CLMP: variants seen among roughly 807,000 people sequenced by gnomAD.
CLMP encodes the protein CXADR like cell adhesion molecule.
Under a neutral mutation model 45.2 loss-of-function variants are expected in CLMP, and 27 were observed. The ratio of observed to expected loss-of-function variants is 0.60; its 90% CI spans 0.44 to 0.82. The LOEUF (loss-of-function observed/expected upper bound fraction) is 0.82, where lower values mean the gene tolerates loss of function less well. Among genes scored for constraint, CLMP ranks in the 40% least tolerant of loss-of-function variants. The pLI is 0.00. For missense variants in CLMP, 403 were observed against 448.4 expected (o/e 0.90, Z 0.91); for synonymous variants, 167 against 171.4 (o/e 0.97, Z 0.20).
Position 123,150,500 on chromosome 11 carries a change from G to A in CLMP, c.28+44413C>T, listed in dbSNP as rs11219030. On this transcript the variant is annotated intron_variant, in intron 1 of 6. Coordinates refer to ENST00000448775, the MANE Select transcript of CLMP (RefSeq NM_024769.5). ...GAAAGAAAGGAAGGAAGGAAGGAAGGAAGGAAGGAAGGAAGGAAGGAAGGA... is the reference window on the plus strand; with the variant it reads ...GAAAGAAAGGAAGGAAGGAAGGAAGAAAGGAAGGAAGGAAGGAAGGAAGGA... 3.2e-3 allele frequency among the ~76,000 whole-genome samples: 335 copies of A among 103,390 alleles called. 2 individuals are homozygous for A. The highest frequency in any genetic ancestry group is 8.1e-3 in the South Asian group (20 of 2,476). 67.8% of individuals were successfully genotyped at this position (103,390 alleles called of 152,430 possible).
At position 123,084,517 on chromosome 11, in the gene CLMP, A is replaced by T. The variant is rs148377321; in HGVS notation, c.383T>A (p.Val128Asp). The T allele has an allele frequency of 6.2e-7, 1 of 1,613,660 alleles. No individual in the cohort carries two copies. Among genetic ancestry groups the T allele is most frequent in the African/African-American group, 1.3e-5 (1 of 75,018 alleles). The change falls in exon 3 of 7, where the codon GTC (valine) becomes GAC (aspartate). Residue 128 changes from valine (V) to aspartate (D), a missense_variant. By Grantham distance (152) the Val-to-Asp change is radical (BLOSUM62 -3). Transcript: ENST00000448775. ...RYVWSHVILK[V>D]LVRPSKPKCE... ...ACTTTGGCATCCTATCTTACCTAAG[A>T]CTTTTAAGATGACATGGCTCCACAC... is the stretch of plus-strand genomic sequence containing the variant.
chr11:123,121,064 T>C, intron 1 of CLMP, among the ~76,000 whole-genome samples: 1 of 149,572 alleles, frequency 6.7e-6, no homozygotes. Context: ...GAGGTGAAGC[T>C]TGCAGTGAGC....
intron 1 of CLMP, among the ~76,000 whole-genome samples, chr11:123,153,005 T>C (rs1160867051): frequency 3.9e-5 from 6 of 152,218 alleles, no homozygotes; most frequent in African/African-American, 9.6e-5. Flanking sequence ...AGGAAGCTCA[T>C]TGAGGACGTT....
chr11:123,184,771 C>T (rs1014685403), intron 1 of CLMP, among the ~76,000 whole-genome samples: 2 of 152,182 alleles, frequency 1.3e-5, no homozygotes, highest in African/African-American at 4.8e-5. Context: ...ATCAGCCAAC[C>T]TTCTCCTGGA....
At chr11:123,168,675 A>G (rs927312841) in intron 1 of CLMP, among the ~76,000 whole-genome samples, 3 of 152,158 alleles carry the variant, frequency 2.0e-5, no homozygotes, top group Non-Finnish European at 4.4e-5. Context: ...CGGATCCAGC[A>G]GCAACTCTTT....
chr11:123,153,246 A>C (rs900364465), intron 1 of CLMP, among the ~76,000 whole-genome samples: 1 of 152,156 alleles, frequency 6.6e-6, no homozygotes, highest in Non-Finnish European at 1.5e-5. Context: ...CAGGCATAGA[A>C]TGGCTTCCAG....
intron 1 of CLMP, among the ~76,000 whole-genome samples, chr11:123,154,478 G>A (rs1187913458): frequency 2.0e-5 from 3 of 152,160 alleles, no homozygotes; most frequent in African/African-American, 4.8e-5. Context: ...CATGCAAGTA[G>A]GGCCTTGAAA....
chr11:123,073,647 T>C lies in CLMP; in HGVS notation c.949A>G (p.Thr317Ala). 6.2e-7 allele frequency: 1 copy of C among 1,614,246 alleles called. No individual in the cohort carries two copies. The highest frequency in any genetic ancestry group is 8.5e-7 in the Non-Finnish European group (1 of 1,180,032). ...TGGGGTGCTGCGTCAGTTGACAGTG[T>C]CCGCTGGCTGCGTGAGGCACTATTT... ...TANSASRSQR[T>A]LSTDAAPQPG... The change falls in exon 7 of 7, where the codon ACA (threonine) becomes GCA (alanine). Residue 317 changes from threonine to alanine, a missense_variant. By Grantham distance (58) the Thr-to-Ala change is moderately conservative. Transcript: ENST00000448775.
intron 1 of CLMP, among the ~76,000 whole-genome samples, chr11:123,141,866 C>T (rs1247739453): frequency 6.6e-6 from 1 of 152,032 alleles, no homozygotes; most frequent in Non-Finnish European, 1.5e-5. Flanking sequence ...AACTCCTTCG[C>T]TTTTGTATGA....
chr11:123,194,657 C>A (rs926207536), intron 1 of CLMP, among the ~76,000 whole-genome samples: 6 of 152,258 alleles, frequency 3.9e-5, no homozygotes, highest in Non-Finnish European at 8.8e-5. Flanking sequence ...AACTAAACAC[C>A]GCCCTAAAGA....
At chr11:123,152,406 C>T (rs554392097) in intron 1 of CLMP, among the ~76,000 whole-genome samples, 22 of 151,974 alleles carry the variant, frequency 1.4e-4, no homozygotes, top group African/African-American at 5.3e-4. Context: ...ACCTGTAATC[C>T]CAGCTACTCA....
At chr11:123,147,580 G>A (rs182127613) in intron 1 of CLMP, among the ~76,000 whole-genome samples, 4 of 152,226 alleles carry the variant, frequency 2.6e-5, no homozygotes, top group Middle Eastern at 3.4e-3. Context: ...GCCCAGCAGC[G>A]AGCCTTTCTT....
In CLMP at chr11:123,085,788, T is replaced by G. The variant is rs149483158; in HGVS notation, c.187-1075A>C. On this transcript the variant is annotated intron_variant, in intron 2 of 6. Transcript: ENST00000448775. The stretch of plus-strand genomic sequence containing the variant: ...TTTTATGTTTTTTTTTTTTTGTTTT[T>G]TTTTTGAGATAGAGTCTCACTCTTG... Among the ~76,000 whole-genome samples the G allele has an allele frequency of 7.7e-3, 1,167 of 150,862 alleles. 7 individuals are homozygous for G. The highest frequency in any genetic ancestry group is 0.017 in the African/African-American group (696 of 41,140).
intron 1 of CLMP, among the ~76,000 whole-genome samples, chr11:123,176,129 G>C (rs1478015366): frequency 6.6e-6 from 1 of 152,236 alleles, no homozygotes; most frequent in Admixed American, 6.5e-5. Flanking sequence ...ATTGGAAACA[G>C]AGAGCTGTCC....
intron 1 of CLMP, among the ~76,000 whole-genome samples, chr11:123,180,775 C>T (rs1861758165): frequency 1.3e-5 from 2 of 152,274 alleles, no homozygotes; most frequent in African/African-American, 4.8e-5. Flanking sequence ...GCCAGCCTTG[C>T]AGCCATCTGG....
chr11:123,133,817 G>A (rs533416538), intron 1 of CLMP, among the ~76,000 whole-genome samples: 1 of 152,116 alleles, frequency 6.6e-6, no homozygotes, highest in Non-Finnish European at 1.5e-5. Context: ...ATCTGAGCGG[G>A]GAGGCCTTGC....
chr11:123,114,695 A>T (rs78487303), intron 1 of CLMP, among the ~76,000 whole-genome samples: 1 of 152,182 alleles, frequency 6.6e-6, no homozygotes, highest in East Asian at 1.9e-4. Flanking sequence ...TAAAACCCCC[A>T]AATGTAACAC....
chr11:123,080,039 G>A (rs1190960991), intron 5 of CLMP, among the ~76,000 whole-genome samples: 1 of 152,132 alleles, frequency 6.6e-6, no homozygotes, highest in African/African-American at 2.4e-5. Context: ...CCTCTGAAAT[G>A]GCTCATTCAC....
intron 6 of CLMP, among the ~76,000 whole-genome samples, chr11:123,074,173 C>CTTTT (rs113482011): frequency 2.0e-4 from 26 of 130,662 alleles, no homozygotes; most frequent in South Asian, 1.2e-3. Context: ...TATGTACATA[C>CTTTT]TTTTTTTTTT....
Sources: gnomAD v4.1 joint callset for allele counts (sites outside exome capture counted in the v4.1 genomes callset) on GRCh38, gnomAD v4.1.1 for gene constraint, MANE v1.5 for transcripts, NCBI Gene and HGNC (gene_info 2026-07-23, HGNC 2026-07-21) for gene names.